ZNF680: variants seen among roughly 807,000 people sequenced by gnomAD.
The protein encoded by ZNF680 is zinc finger protein 680.
ZNF680 carries 6 observed loss-of-function variants against 12.1 expected under a neutral mutation model. The observed-to-expected ratio is 0.49, with a 90% CI of 0.27 to 0.98. The LOEUF (loss-of-function observed/expected upper bound fraction) is 0.98. Among genes scored for constraint, ZNF680 ranks in the 50% least tolerant of loss-of-function variants. The pLI, the probability that ZNF680 is intolerant of heterozygous loss-of-function variation, is 0.12. For missense variants in ZNF680, 561 were observed against 616.3 expected (o/e 0.91, Z 0.95); for synonymous variants, 170 against 199.3 (o/e 0.85, Z 1.24).
At chr7:64,518,917 C>T (rs1357708988), downstream of ZNF680, among the ~76,000 whole-genome samples, 1 of 152,020 alleles carries the variant, frequency 6.6e-6, no homozygotes, top group African/African-American at 2.4e-5. Context: ...AAAAACGTTT[C>T]TAGACATTTG....
At chr7:64,562,231 C>CAA (rs534069066) in intron 1 of ZNF680, among the ~76,000 whole-genome samples, 11 of 92,574 alleles carry the variant, frequency 1.2e-4, no homozygotes, top group East Asian at 1.2e-3. Context: ...GACTCCGTTT[C>CAA]AAAAAAAAAA....
intron 3 of ZNF680, among the ~76,000 whole-genome samples, chr7:64,541,780 C>T (rs62461517): frequency 0.05 from 7,636 of 152,236 alleles, 278 homozygotes; most frequent in East Asian, 0.17. Flanking sequence ...GAGACCGTGC[C>T]CTTCCAGAGG....
chr7:64,512,915 C>T, the ZNF680 span, among the ~76,000 whole-genome samples: 2 of 152,048 alleles, frequency 1.3e-5, no homozygotes, highest in Admixed American at 6.6e-5. Context: ...AAAATAAAAT[C>T]AGCCTTAAAA....
the ZNF680 span, among the ~76,000 whole-genome samples, chr7:64,500,046 T>A: frequency 2.0e-5 from 3 of 152,112 alleles, no homozygotes; most frequent in Non-Finnish European, 4.4e-5. Flanking sequence ...CCACCCTGAA[T>A]CCTTAAAAAT....
the ZNF680 span, chr7:64,501,809 C>A: frequency 1.2e-5 from 8 of 644,230 alleles, no homozygotes; most frequent in South Asian, 1.2e-4. Flanking sequence ...TTTACCAGAT[C>A]TTCTTCTCTA....
intron 1 of ZNF680, among the ~76,000 whole-genome samples, chr7:64,553,638 C>G (rs963202271): frequency 1.3e-5 from 2 of 151,724 alleles, no homozygotes; most frequent in Admixed American, 6.6e-5. Flanking sequence ...GATGCCAAGC[C>G]GAGGCTGGAC....
the ZNF680 span, among the ~76,000 whole-genome samples, chr7:64,505,770 C>A: frequency 7.0e-6 from 1 of 143,626 alleles, no homozygotes; most frequent in South Asian, 2.3e-4. Flanking sequence ...ATAAATTAGA[C>A]TCCTTTTTTT....
Position 64,521,700 on chromosome 7 carries a change from ATTTGTAGGG to A in ZNF680, c.1045_1053del (p.Pro349_Lys351del), listed in dbSNP as rs779002887. The A allele has an allele frequency of 3.1e-6, 5 of 1,612,568 alleles. No individual in the cohort carries two copies. In the South Asian group the frequency reaches 5.5e-5, roughly 18 times the overall value. On this transcript the variant is annotated inframe_deletion, in exon 4 of 4. Coordinates refer to ENST00000309683, the MANE Select transcript of ZNF680 (RefSeq NM_178558.5). The stretch of plus-strand genomic sequence containing the variant: ...TTAAAAGCTTTGCCACATTCTTCAC[ATTTGTAGGG>A]TTTCTCTCCAGTATGAATTTTCTTA...
At chr7:64,502,896 C>CT in the ZNF680 span, among the ~76,000 whole-genome samples, 654 of 147,780 alleles carry the variant, frequency 4.4e-3, 15 homozygotes, top group East Asian at 0.068. Context: ...CGTCTGTGAA[C>CT]TTTTTTTTTT....
chr7:64,520,911 G>A lies in ZNF680; in HGVS notation c.*250C>T. The A allele has an allele frequency of 2.6e-6, 1 of 385,744 alleles. No homozygotes were observed. Among genetic ancestry groups the A allele is most frequent in the Non-Finnish European group, 4.6e-6 (1 of 217,264 alleles). 23.9% of individuals were successfully genotyped at this position (385,744 alleles called of 1,614,324 possible). On this transcript the variant is annotated 3_prime_UTR_variant, in exon 4 of 4. Coordinates refer to ENST00000309683, the MANE Select transcript of ZNF680 (RefSeq NM_178558.5). Reference sequence around the variant, plus strand: ...TATAAACTCTGGTGTTGAGTAAGATGTGAAAAGATATCAATGACTTTTTCA... The same window carrying A: ...TATAAACTCTGGTGTTGAGTAAGATATGAAAAGATATCAATGACTTTTTCA...
At chr7:64,499,084 T>A in the ZNF680 span, among the ~76,000 whole-genome samples, 496 of 152,254 alleles carry the variant, frequency 3.3e-3, 3 homozygotes, top group Non-Finnish European at 5.2e-3. Flanking sequence ...GAAAAAATAA[T>A]AACATTTTTA....
At chr7:64,545,532 A>G (rs1008843764) in intron 1 of ZNF680, among the ~76,000 whole-genome samples, 2 of 152,206 alleles carry the variant, frequency 1.3e-5, no homozygotes, top group African/African-American at 4.8e-5. Context: ...ACAAATTTTT[A>G]TGATGTGCTG....
In ZNF680 at chr7:64,520,878, T is replaced by G. The variant is rs1044134131; in HGVS notation, c.*283A>C. 1.2e-5 allele frequency: 3 copies of G among 260,726 alleles called. No individual in the cohort carries two copies. Among genetic ancestry groups the G allele is most frequent in the Non-Finnish European group, 2.2e-5 (3 of 138,222 alleles). 16.2% of individuals were successfully genotyped at this position (260,726 alleles called of 1,614,324 possible). Reference sequence around the variant, plus strand: ...GACAGTAATTGCATTTATAATGCTTTTAATAAGTATAAACTCTGGTGTTGA... The same window carrying G: ...GACAGTAATTGCATTTATAATGCTTGTAATAAGTATAAACTCTGGTGTTGA... On this transcript the variant is annotated 3_prime_UTR_variant, in exon 4 of 4. Coordinates refer to ENST00000309683, the MANE Select transcript of ZNF680 (RefSeq NM_178558.5).
chr7:64,521,327 G>A lies in ZNF680; in HGVS notation c.1427C>T (p.Thr476Ile). The change falls in exon 4 of 4, where the codon ACT (threonine) becomes ATT (isoleucine). Residue 476 changes from threonine to isoleucine, a missense_variant. Transcript: ENST00000309683. The stretch of plus-strand genomic sequence containing the variant: ...ATGAATTCTCTTATGATTAGCAAGA[G>A]TTGCAGGCCAGTTAAAAACATTGCC... The part of the protein sequence containing the change: ...ECGNVFNWPA[T>I]LANHKRIHAR... 1 of 1,611,318 alleles carries A rather than the reference G, an allele frequency of 6.2e-7. No homozygotes were observed. The highest frequency in any genetic ancestry group is 8.5e-7 in the Non-Finnish European group (1 of 1,178,954).
the ZNF680 span, among the ~76,000 whole-genome samples, chr7:64,509,300 T>C: frequency 6.6e-6 from 1 of 152,170 alleles, no homozygotes; most frequent in Non-Finnish European, 1.5e-5. Context: ...TTGTTTTCCC[T>C]TTTATGTCTA....
intron 3 of ZNF680, among the ~76,000 whole-genome samples, chr7:64,538,183 T>C (rs1786278926): frequency 6.6e-6 from 1 of 151,944 alleles, no homozygotes. Flanking sequence ...AGAAAAAATA[T>C]AGGAAAAAAA....
chr7:64,545,951 A>G (rs1452027064), intron 1 of ZNF680, among the ~76,000 whole-genome samples: 2 of 152,230 alleles, frequency 1.3e-5, no homozygotes, highest in African/African-American at 4.8e-5. Flanking sequence ...TTAATATTGC[A>G]GATTCTAAAT....
the ZNF680 span, among the ~76,000 whole-genome samples, chr7:64,503,378 CTTTTTTTT>C: frequency 3.4e-3 from 308 of 89,902 alleles, no homozygotes; most frequent in Non-Finnish European, 5.3e-3. Context: ...AACTGGAAGG[CTTTTTTTT>C]TTTTTTTTTT....
intron 3 of ZNF680, among the ~76,000 whole-genome samples, chr7:64,537,837 G>C (rs1786255838): frequency 6.6e-6 from 1 of 152,080 alleles, no homozygotes; most frequent in Admixed American, 6.6e-5. Flanking sequence ...GGCTGAGGCA[G>C]GAGAATGACG....
Sources: allele counts gnomAD v4.1 joint callset (sites outside exome capture counted in the v4.1 genomes callset), GRCh38; gene constraint gnomAD v4.1.1; transcripts MANE v1.5; gene names NCBI Gene and HGNC (gene_info 2026-07-23, HGNC 2026-07-21).